KCNQ5: variants seen among roughly 807,000 people sequenced by gnomAD.
KCNQ5 encodes the protein potassium voltage-gated channel subfamily Q member 5.
A neutral mutation model predicts 98.2 loss-of-function variants in KCNQ5; 30 were observed. That is an observed-to-expected ratio of 0.31 (90% CI 0.23 to 0.41). KCNQ5 has a LOEUF of 0.41. KCNQ5 is among the 10% of genes least tolerant of loss of function. The probability of loss-of-function intolerance (pLI) is 1.00; values close to 1 mark genes in which losing one functional copy is unlikely to be tolerated. For missense variants in KCNQ5, 835 were observed against 1,182.5 expected, an observed-to-expected ratio of 0.71 and a Z score of 4.31; for synonymous variants, 458 against 449.4, an observed-to-expected ratio of 1.02 and a Z score of -0.24.
Position 72,724,018 on chromosome 6 carries a change from G to A in KCNQ5, c.398+101431G>A, listed in dbSNP as rs190354720. On this transcript the variant is annotated intron_variant, in intron 1 of 13. Transcript: ENST00000370398. ...TAAGTAATTGACTTTCTTTTGACAC[G>A]CTTTCTTATTTAGAAACTCAGGCTT... Among the ~76,000 whole-genome samples the A allele has an allele frequency of 1.3e-3, 190 of 151,794 alleles. 1 individual carries two copies. Among genetic ancestry groups the A allele is most frequent in the African/African-American group, 4.5e-3 (185 of 41,402 alleles).
intron 1 of KCNQ5, among the ~76,000 whole-genome samples, chr6:72,738,831 A>G (rs564673466): frequency 3.9e-5 from 6 of 152,328 alleles, no homozygotes; most frequent in African/African-American, 1.4e-4. Context: ...TTCCAACTAT[A>G]TGACATTCTG....
intron 9 of KCNQ5, among the ~76,000 whole-genome samples, chr6:73,129,597 A>G (rs750113447): frequency 6.6e-5 from 10 of 152,214 alleles, no homozygotes; most frequent in Non-Finnish European, 1.3e-4. Flanking sequence ...CAATTTTTCA[A>G]CCTAGCCGTT....
At position 72,923,349 on chromosome 6, in the gene KCNQ5, C is replaced by T. The variant is rs566071060; in HGVS notation, c.399-80559C>T. Among the ~76,000 whole-genome samples the T allele has an allele frequency of 7.9e-5, 12 of 152,222 alleles. No homozygotes were observed. In the East Asian group the frequency reaches 2.3e-3, roughly 29 times the overall value. On this transcript the variant is annotated intron_variant, in intron 1 of 13. Coordinates refer to ENST00000370398, the MANE Select transcript of KCNQ5 (RefSeq NM_019842.4). ...ATAATGGCTGTAATAACATTCCCAC[C>T]AATAGTGTACATGGGCTCCCTTTTC...
At chr6:73,139,703 A>G (rs1776626581) in intron 10 of KCNQ5, among the ~76,000 whole-genome samples, 1 of 152,194 alleles carries the variant, frequency 6.6e-6, no homozygotes, top group Admixed American at 6.5e-5. Context: ...AACAACTAGC[A>G]AAAATAAATA....
chr6:73,118,558 A>G (rs9343009), intron 7 of KCNQ5, among the ~76,000 whole-genome samples: 110,740 of 152,186 alleles, frequency 0.73, 45,553 homozygotes, highest in South Asian at 0.94. Context: ...TTCAGCTTTC[A>G]TAGAAACTTC....
intron 10 of KCNQ5, among the ~76,000 whole-genome samples, chr6:73,149,329 A>G (rs1434745667): frequency 2.0e-5 from 3 of 152,260 alleles, no homozygotes; most frequent in African/African-American, 4.8e-5. Context: ...GGTTTTACCA[A>G]AGTGGTATAT....
chr6:72,955,195 C>CA (rs1766983938), intron 1 of KCNQ5, among the ~76,000 whole-genome samples: 1 of 152,190 alleles, frequency 6.6e-6, no homozygotes, highest in Non-Finnish European at 1.5e-5. Context: ...CATAATCACT[C>CA]ACAACAGTTC....
intron 1 of KCNQ5, among the ~76,000 whole-genome samples, chr6:72,658,747 CT>C (rs1176988133): frequency 6.6e-6 from 1 of 150,460 alleles, no homozygotes; most frequent in Admixed American, 6.6e-5. Flanking sequence ...TGCCCGGTAA[CT>C]TTTGTATTTT....
chr6:72,670,432 C>CT (rs1250465381), intron 1 of KCNQ5, among the ~76,000 whole-genome samples: 4 of 152,154 alleles, frequency 2.6e-5, no homozygotes, highest in Non-Finnish European at 5.9e-5. Context: ...CTACCCATCA[C>CT]TGAGTTCCAA....
intron 1 of KCNQ5, among the ~76,000 whole-genome samples, chr6:72,947,371 T>G (rs1395836373): frequency 6.6e-6 from 1 of 152,142 alleles, no homozygotes; most frequent in Non-Finnish European, 1.5e-5. Context: ...CAAGCTATAC[T>G]TTATAGAAGA....
intron 1 of KCNQ5, among the ~76,000 whole-genome samples, chr6:72,712,501 T>C (rs1769420693): frequency 6.6e-6 from 1 of 152,190 alleles, no homozygotes. Context: ...TAAGATTTAA[T>C]TTATTTTGTG....
At chr6:72,966,281 A>G (rs1362446836) in intron 1 of KCNQ5, among the ~76,000 whole-genome samples, 1 of 152,134 alleles carries the variant, frequency 6.6e-6, no homozygotes, top group East Asian at 1.9e-4. Flanking sequence ...AAAGCAGGCT[A>G]GGTGTGGTGG....
intron 1 of KCNQ5, among the ~76,000 whole-genome samples, chr6:72,975,015 G>A (rs368033797): frequency 2.0e-5 from 3 of 152,182 alleles, no homozygotes; most frequent in South Asian, 4.2e-4. Flanking sequence ...AGGATTACAG[G>A]CGTGAACCAC....
At position 73,071,991 on chromosome 6, in the gene KCNQ5, G is replaced by A. The variant is rs150717995; in HGVS notation, c.617-5331G>A. ...TATTCAAAACTTAGCTTATAGTGAG[G>A]CCACTAGAATAATTCAAAAAACTGG... On this transcript the variant is annotated intron_variant, in intron 3 of 13. Coordinates refer to ENST00000370398, the MANE Select transcript of KCNQ5 (RefSeq NM_019842.4). Among the ~76,000 whole-genome samples the A allele has an allele frequency of 7.6e-3, 1,162 of 152,114 alleles. 6 individuals are homozygous for A. The highest frequency in any genetic ancestry group is 0.016 in the Admixed American group (251 of 15,262).
chr6:73,086,892 G>A (rs2150400465), intron 5 of KCNQ5, among the ~76,000 whole-genome samples: 1 of 152,316 alleles, frequency 6.6e-6, no homozygotes, highest in East Asian at 1.9e-4. Context: ...CCTGGGAAGA[G>A]TGAGGAAAAT....
At chr6:73,014,396 T>G (rs575022241) in intron 2 of KCNQ5, among the ~76,000 whole-genome samples, 1 of 152,176 alleles carries the variant, frequency 6.6e-6, no homozygotes, top group Admixed American at 6.6e-5. Flanking sequence ...GGAATGCCAC[T>G]ATCAATTTTA....
At chr6:72,785,959 C>A (rs1773717384) in intron 1 of KCNQ5, among the ~76,000 whole-genome samples, 1 of 152,064 alleles carries the variant, frequency 6.6e-6, no homozygotes. Context: ...TAGCACTACC[C>A]AAGAGACATA....
intron 1 of KCNQ5, among the ~76,000 whole-genome samples, chr6:72,996,202 A>G (rs1769292195): frequency 6.6e-6 from 1 of 152,144 alleles, no homozygotes; most frequent in African/African-American, 2.4e-5. Context: ...AAGTTAATCC[A>G]TAAAAATGTA....
At chr6:73,129,762 T>G in intron 9 of KCNQ5, 1 of 1,587,454 alleles carries the variant, frequency 6.3e-7, no homozygotes, top group Non-Finnish European at 8.6e-7. Flanking sequence ...AAATGCTTAG[T>G]AATGTGCTGC....
Sources: gnomAD v4.1 joint callset for allele counts (sites outside exome capture counted in the v4.1 genomes callset) on GRCh38, gnomAD v4.1.1 for gene constraint, MANE v1.5 for transcripts, NCBI Gene and HGNC (gene_info 2026-07-23, HGNC 2026-07-21) for gene names.